GLIS3: variants seen among roughly 807,000 people sequenced by gnomAD.
The protein encoded by GLIS3 is zinc finger protein GLIS3.
In GLIS3, 53 loss-of-function variants were observed where a neutral mutation model predicts 78.6. The observed-to-expected ratio is 0.67, with a 90% CI of 0.54 to 0.85. The LOEUF (loss-of-function observed/expected upper bound fraction) is 0.85. GLIS3 is among the 40% of genes least tolerant of loss of function. The pLI, the probability that GLIS3 is intolerant of heterozygous loss-of-function variation, is 0.00. For missense variants in GLIS3, 1,703 were observed against 1,231.1 expected, an observed-to-expected ratio of 1.38 and a Z score of -5.74; for synonymous variants, 684 against 509.9, an observed-to-expected ratio of 1.34 and a Z score of -4.60.
At chr9:4,449,939 C>A in the GLIS3 span, among the ~76,000 whole-genome samples, 1 of 152,158 alleles carries the variant, frequency 6.6e-6, no homozygotes, top group Non-Finnish European at 1.5e-5. Flanking sequence ...CGCCTCTTCT[C>A]CTCCAAAGGA....
chr9:4,161,965 C>A (rs1835515121), intron 2 of GLIS3, among the ~76,000 whole-genome samples: 1 of 152,100 alleles, frequency 6.6e-6, no homozygotes, highest in African/African-American at 2.4e-5. Flanking sequence ...GGATTACAGG[C>A]GTGAGCCACT....
chr9:3,864,715 AAAGAT>A (rs1378356033), intron 8 of GLIS3, among the ~76,000 whole-genome samples: 38 of 152,308 alleles, frequency 2.5e-4, no homozygotes, highest in African/African-American at 8.4e-4. Flanking sequence ...ACCTTCTCTT[AAAGAT>A]AAGACTCAAC....
upstream of GLIS3, among the ~76,000 whole-genome samples, chr9:4,350,918 A>G (rs558385745): frequency 2.6e-5 from 4 of 152,352 alleles, no homozygotes; most frequent in African/African-American, 9.6e-5. Flanking sequence ...CCAGTTCAAA[A>G]TGAACAAGGG....
intron 2 of GLIS3, among the ~76,000 whole-genome samples, chr9:4,319,513 G>A (rs546672305): frequency 1.3e-5 from 2 of 150,188 alleles, no homozygotes; most frequent in East Asian, 4.0e-4. Flanking sequence ...AATGTGTTTT[G>A]GTAAAATCCA....
At chr9:3,991,542 T>G (rs1282916985) in intron 4 of GLIS3, among the ~76,000 whole-genome samples, 1 of 152,162 alleles carries the variant, frequency 6.6e-6, no homozygotes, top group African/African-American at 2.4e-5. Flanking sequence ...TATATCTTAA[T>G]TTGCCATACT....
intron 2 of GLIS3, among the ~76,000 whole-genome samples, chr9:4,156,446 C>G (rs933814926): frequency 3.3e-5 from 5 of 152,134 alleles, no homozygotes; most frequent in African/African-American, 4.8e-5. Flanking sequence ...TTAGCAGGTG[C>G]CAGCTGTATA....
At chr9:4,052,043 C>T (rs2130482427) in intron 4 of GLIS3, among the ~76,000 whole-genome samples, 1 of 152,280 alleles carries the variant, frequency 6.6e-6, no homozygotes, top group South Asian at 2.1e-4. Flanking sequence ...ATCCTGTTCA[C>T]TTCTAAATAA....
intron 2 of GLIS3, among the ~76,000 whole-genome samples, chr9:4,174,928 T>C (rs1010802786): frequency 4.6e-5 from 7 of 152,196 alleles, no homozygotes; most frequent in African/African-American, 1.4e-4. Context: ...ACAGCAAATA[T>C]GACTGACGAC....
At chr9:4,029,184 C>A (rs143492351) in intron 4 of GLIS3, among the ~76,000 whole-genome samples, 46 of 152,038 alleles carry the variant, frequency 3.0e-4, no homozygotes, top group African/African-American at 8.0e-4. Flanking sequence ...ACCTGTGAAA[C>A]CCTTGGAATC....
intron 4 of GLIS3, among the ~76,000 whole-genome samples, chr9:4,036,771 A>G (rs1824349694): frequency 6.6e-6 from 1 of 152,204 alleles, no homozygotes; most frequent in South Asian, 2.1e-4. Context: ...TGTGAGAAGA[A>G]CTGTGGGTGA....
chr9:4,116,076 G>C (rs894620006), intron 4 of GLIS3, among the ~76,000 whole-genome samples: 10 of 152,198 alleles, frequency 6.6e-5, no homozygotes, highest in African/African-American at 2.4e-4. Context: ...TCTTTGCAAA[G>C]CCTGGCAACA....
chr9:4,033,864 TAAAAAAAAAAAAAA>T (rs34745570), intron 4 of GLIS3, among the ~76,000 whole-genome samples: 3 of 67,980 alleles, frequency 4.4e-5, no homozygotes, highest in Admixed American at 4.4e-4. Flanking sequence ...AGGCGAAGGA[TAAAAAAAAAAAAAA>T]AAAAAAAAAA....
chr9:4,084,936 T>C (rs1488242914), intron 4 of GLIS3, among the ~76,000 whole-genome samples: 1 of 151,432 alleles, frequency 6.6e-6, no homozygotes, highest in South Asian at 2.1e-4. Context: ...CAGATAAGGG[T>C]GACTCCATCC....
At chr9:3,933,820 C>A (rs1328781860) in intron 5 of GLIS3, among the ~76,000 whole-genome samples, 1 of 152,168 alleles carries the variant, frequency 6.6e-6, no homozygotes, top group African/African-American at 2.4e-5. Flanking sequence ...ATTTGACCTG[C>A]TAGAAGCCAT....
At chr9:4,239,021 C>T (rs895800219) in intron 2 of GLIS3, among the ~76,000 whole-genome samples, 1 of 151,846 alleles carries the variant, frequency 6.6e-6, no homozygotes, top group South Asian at 2.1e-4. Context: ...ATGAACTCAT[C>T]ATTTTTTATG....
chr9:3,997,207 G>A (rs1024936990), intron 4 of GLIS3, among the ~76,000 whole-genome samples: 6 of 152,008 alleles, frequency 3.9e-5, no homozygotes, highest in Admixed American at 6.6e-5. Flanking sequence ...TTAGCTGGGC[G>A]TGGTGGTGCA....
At chr9:4,044,229 ACTCT>A (rs1825065517) in intron 4 of GLIS3, among the ~76,000 whole-genome samples, 1 of 152,136 alleles carries the variant, frequency 6.6e-6, no homozygotes, top group South Asian at 2.1e-4. Flanking sequence ...GTGGCTCTTA[ACTCT>A]ACCTGTGAAA....
At chr9:4,358,999 C>A in the GLIS3 span, among the ~76,000 whole-genome samples, 1 of 152,146 alleles carries the variant, frequency 6.6e-6, no homozygotes, top group Non-Finnish European at 1.5e-5. Context: ...CCTCAGCAAT[C>A]CCAACTGGTA....
At chr9:4,257,054 ATTATGTGTACATAT>A (rs905310503) in intron 2 of GLIS3, among the ~76,000 whole-genome samples, 27 of 152,294 alleles carry the variant, frequency 1.8e-4, no homozygotes, top group African/African-American at 5.8e-4. Context: ...GGTATTATGT[ATTATGTGTACATAT>A]GTATGTGTAC....
Sources: gnomAD v4.1 joint callset for allele counts (sites outside exome capture counted in the v4.1 genomes callset) on GRCh38, gnomAD v4.1.1 for gene constraint, MANE v1.5 for transcripts, NCBI Gene and HGNC (gene_info 2026-07-23, HGNC 2026-07-21) for gene names.